Variants in FAM168A observed in about 807,000 individuals in gnomAD.
FAM168A encodes the protein family with sequence similarity 168 member A.
FAM168A carries 3 observed loss-of-function variants against 28.5 expected under a neutral mutation model. The observed-to-expected ratio is 0.11, with a 90% CI of 0.05 to 0.27. The LOEUF is 0.27. Among genes scored for constraint, FAM168A ranks in the 10% least tolerant of loss-of-function variants. The probability of loss-of-function intolerance (pLI) is 1.00; values close to 1 mark genes in which losing one functional copy is unlikely to be tolerated. For synonymous variants in FAM168A, 122 were observed against 124.2 expected, an observed-to-expected ratio of 0.98 and a Z score of 0.12; for missense variants, 222 against 311.5, an observed-to-expected ratio of 0.71 and a Z score of 2.16.
At chr11:73,499,893 C>G (rs140098315) in intron 1 of FAM168A, among the ~76,000 whole-genome samples, 1 of 152,130 alleles carries the variant, frequency 6.6e-6, no homozygotes, top group South Asian at 2.1e-4. Flanking sequence ...ACCAAACCTA[C>G]GGTTGACTGG....
At chr11:73,496,909 A>ACACG (rs1565271111) in intron 1 of FAM168A, among the ~76,000 whole-genome samples, 16 of 147,308 alleles carry the variant, frequency 1.1e-4, no homozygotes, top group African/African-American at 3.7e-4. Flanking sequence ...ACACACACGC[A>ACACG]CACACACGCA....
rs1364087301 is a variant in FAM168A, at chr11:73,411,520, T to C, written c.294A>G (p.Thr98=). 1 of 1,614,060 alleles carries C rather than the reference T, an allele frequency of 6.2e-7. No individual in the cohort carries two copies. The highest frequency in any genetic ancestry group is 2.2e-5 in the East Asian group (1 of 44,880). Residue 98 remains threonine, a synonymous_variant, in exon 5 of 8, where the codon ACA becomes ACG. Transcript: ENST00000356467. ...SSAAFRYTAG[T]PYKVPPTQSN... ...TCTGGGTCGGTGGGACCTTGTATGGTGTCCCCGCAGTATATCCTGTACCAA... is the reference window on the plus strand; with the variant it reads ...TCTGGGTCGGTGGGACCTTGTATGGCGTCCCCGCAGTATATCCTGTACCAA...
intron 1 of FAM168A, among the ~76,000 whole-genome samples, chr11:73,478,196 A>G (rs59433477): frequency 0.013 from 2,027 of 152,344 alleles, 45 homozygotes; most frequent in African/African-American, 0.045. Flanking sequence ...AAATGCAATA[A>G]GTTATAATAA....
chr11:73,427,263 T>C (rs1034838579), intron 3 of FAM168A, among the ~76,000 whole-genome samples: 2 of 151,900 alleles, frequency 1.3e-5, no homozygotes, highest in African/African-American at 4.8e-5. Context: ...AGTGCTGAGA[T>C]TACAGGTGTG....
chr11:73,580,084 G>C (rs953091178), intron 1 of FAM168A, among the ~76,000 whole-genome samples: 1 of 151,996 alleles, frequency 6.6e-6, no homozygotes, highest in Non-Finnish European at 1.5e-5. Context: ...TTCTGGTTTG[G>C]GTAAGAAAAC....
chr11:73,580,279 C>T, intron 1 of FAM168A: 1 of 562,712 alleles, frequency 1.8e-6, no homozygotes, highest in Non-Finnish European at 3.5e-6. Flanking sequence ...GAAGGGGATG[C>T]TAAAGGAGAT....
intron 1 of FAM168A, among the ~76,000 whole-genome samples, chr11:73,595,334 C>G (rs1219848611): frequency 1.3e-5 from 2 of 152,106 alleles, no homozygotes; most frequent in Non-Finnish European, 2.9e-5. Context: ...TTCCATCATT[C>G]TGCCCATTTT....
At chr11:73,498,214 C>A (rs1283339066) in intron 1 of FAM168A, among the ~76,000 whole-genome samples, 4 of 152,072 alleles carry the variant, frequency 2.6e-5, no homozygotes, top group Admixed American at 2.0e-4. Flanking sequence ...CACCAAGGAT[C>A]TAGGTTCTCT....
At chr11:73,514,819 T>TGA (rs561808475) in intron 1 of FAM168A, among the ~76,000 whole-genome samples, 42 of 148,882 alleles carry the variant, frequency 2.8e-4, no homozygotes, top group Admixed American at 1.4e-3. Flanking sequence ...TGTGACAGAG[T>TGA]GAGACTCTGC....
intron 1 of FAM168A, among the ~76,000 whole-genome samples, chr11:73,506,236 T>C (rs1038199020): frequency 3.3e-5 from 5 of 152,302 alleles, no homozygotes; most frequent in African/African-American, 9.6e-5. Flanking sequence ...GGAAAAGCTC[T>C]GCTAGATGTG....
At chr11:73,488,613 T>C (rs1868086429) in intron 1 of FAM168A, among the ~76,000 whole-genome samples, 1 of 152,148 alleles carries the variant, frequency 6.6e-6, no homozygotes, top group African/African-American at 2.4e-5. Flanking sequence ...CCTACCAAAC[T>C]GCACCTGTAC....
chr11:73,589,286 C>T (rs1403143921), intron 1 of FAM168A, among the ~76,000 whole-genome samples: 1 of 151,808 alleles, frequency 6.6e-6, no homozygotes, highest in African/African-American at 2.4e-5. Context: ...AAGAAAAAAA[C>T]AGACCAATGG....
intron 2 of FAM168A, among the ~76,000 whole-genome samples, chr11:73,433,846 T>C (rs1409905376): frequency 7.0e-6 from 1 of 142,096 alleles, no homozygotes; most frequent in South Asian, 2.3e-4. Context: ...GGCCCTTTTT[T>C]TTTTTTTTTT....
intron 1 of FAM168A, among the ~76,000 whole-genome samples, chr11:73,539,249 CTTTATTTTTATTTATTTATTTT>C (rs1182179588): frequency 1.3e-5 from 2 of 151,614 alleles, no homozygotes; most frequent in Non-Finnish European, 2.9e-5. Context: ...AATCAAGACT[CTTTATTTTTATTTATTTATTTT>C]TTTATTTTTA....
chr11:73,450,765 T>C (rs1282461294), intron 2 of FAM168A, among the ~76,000 whole-genome samples: 1 of 151,326 alleles, frequency 6.6e-6, no homozygotes, highest in Admixed American at 6.6e-5. Flanking sequence ...CATAGGGAAA[T>C]GCCTGTGGGT....
intron 2 of FAM168A, among the ~76,000 whole-genome samples, chr11:73,463,750 A>G (rs994238186): frequency 2.0e-5 from 3 of 152,242 alleles, no homozygotes; most frequent in African/African-American, 7.2e-5. Context: ...AATGAAAATT[A>G]TGGAGGCAAT....
chr11:73,553,920 C>T (rs1943858338), intron 1 of FAM168A, among the ~76,000 whole-genome samples: 1 of 152,024 alleles, frequency 6.6e-6, no homozygotes, highest in Admixed American at 6.6e-5. Flanking sequence ...GCCCAGGAGG[C>T]GGAGGTTGCA....
intron 2 of FAM168A, 120 bp downstream of exon 2, chr11:73,468,285 C>G: frequency 3.6e-6 from 3 of 822,640 alleles, no homozygotes; most frequent in Non-Finnish European, 5.8e-6. Context: ...GACATATCTT[C>G]TGCATGTTCC....
chr11:73,461,228 C>T (rs1867641615), intron 2 of FAM168A, among the ~76,000 whole-genome samples: 1 of 152,078 alleles, frequency 6.6e-6, no homozygotes, highest in Non-Finnish European at 1.5e-5. Context: ...GTGACCCTCC[C>T]AACTCAGCCT....
Sources: gnomAD v4.1 joint callset for allele counts (sites outside exome capture counted in the v4.1 genomes callset) on GRCh38, gnomAD v4.1.1 for gene constraint, MANE v1.5 for transcripts, NCBI Gene and HGNC (gene_info 2026-07-23, HGNC 2026-07-21) for gene names.